DDX60: variants seen among roughly 807,000 people sequenced by gnomAD.
DDX60 encodes the protein probable ATP-dependent RNA helicase DDX60.
A neutral mutation model predicts 212.8 loss-of-function variants in DDX60; 165 were observed. The ratio of observed to expected loss-of-function variants is 0.78; its 90% confidence interval spans 0.68 to 0.88. The LOEUF is 0.88. Among genes scored for constraint, DDX60 ranks in the 40% least tolerant of loss-of-function variants. The probability of loss-of-function intolerance (pLI) is 0.00; values close to 1 mark genes in which losing one functional copy is unlikely to be tolerated. For synonymous variants in DDX60, 703 were observed against 685.3 expected (o/e 1.03, Z -0.40); for missense variants, 1,905 against 2,003.9 (o/e 0.95, Z 0.94).
upstream of DDX60, among the ~76,000 whole-genome samples, chr4:168,323,620 G>C (rs994218751): frequency 6.6e-6 from 1 of 152,108 alleles, no homozygotes; most frequent in African/African-American, 2.4e-5. Flanking sequence ...ACTCCAAAGG[G>C]GATAAGAAAT....
In DDX60 at chr4:168,262,010, T is replaced by A; in HGVS notation, c.3263A>T (p.Asn1088Ile). 1 of 1,593,452 alleles carries A rather than the reference T, an allele frequency of 6.3e-7. No homozygotes were observed. The highest frequency in any genetic ancestry group is 8.5e-7 in the Non-Finnish European group (1 of 1,173,258). Residue 1088 changes from asparagine (N) to isoleucine (I), a missense_variant, in exon 24 of 38, where the codon AAC (asparagine) becomes ATC (isoleucine). Asn to Ile is a moderately radical substitution (Grantham distance 149). Coordinates refer to ENST00000393743, the MANE Select transcript of DDX60 (RefSeq NM_017631.6). ...AELTSWIKNG[N>I]VEQARMVLQN... is the part of the protein sequence containing the mutation. Reference sequence around the variant, plus strand: ...GCGTATGAAAATTACCTGCTCTACGTTGCCATTTTTAATCCAACTTGTTAA... The same window carrying A: ...GCGTATGAAAATTACCTGCTCTACGATGCCATTTTTAATCCAACTTGTTAA...
intron 22 of DDX60, among the ~76,000 whole-genome samples, chr4:168,265,119 A>G (rs1299903191): frequency 1.3e-5 from 2 of 152,164 alleles, no homozygotes; most frequent in Non-Finnish European, 2.9e-5. Context: ...AGCCAAAGAC[A>G]CTGTCCTTAG....
Position 168,310,974 on chromosome 4 carries a change from C to A in DDX60, c.74+24G>T, listed in dbSNP as rs373237539. 3.3e-5 allele frequency: 45 copies of A among 1,383,122 alleles called. No homozygotes were observed. The African/African-American group carries it at 6.0e-4, about 18-fold the overall frequency. The allele number at this position is 1,383,122 out of a possible 1,614,324, so 85.7% of individuals were successfully genotyped here. ...GGGAACATGAGCTATGATTTCCCGT[C>A]TTTATTACTATAATAATACTCACTC... On this transcript the variant is annotated intron_variant, in intron 3 of 37. Transcript: ENST00000393743.
Position 168,287,099 on chromosome 4 carries a change from G to T in DDX60, c.1288C>A (p.Leu430Met). ...AGAAAACAAACTTTTGTTGTTCTCA[G>T]AGGAAATGGCTGTCCAACCTCAAAG... is the stretch of plus-strand genomic sequence containing the variant. ...RDFEVGQPFP[L>M]RTTKVCFLEK... is the part of the protein sequence containing the mutation. The change falls in exon 10 of 38, where the codon CTG becomes ATG. Residue 430 changes from leucine to methionine, a missense_variant. Transcript: ENST00000393743. The T allele has an allele frequency of 6.2e-7, 1 of 1,611,916 alleles. No individual in the cohort carries two copies. The highest frequency in any genetic ancestry group is 8.5e-7 in the Non-Finnish European group (1 of 1,179,392).
chr4:168,260,785 C>T, intron 25 of DDX60, 80 bp downstream of exon 25: 1 of 1,267,806 alleles, frequency 7.9e-7, no homozygotes, highest in East Asian at 2.3e-5. Flanking sequence ...GGTCTGTGGC[C>T]TGGAGGTTGG....
intron 26 of DDX60, among the ~76,000 whole-genome samples, chr4:168,253,807 C>A (rs563593114): frequency 7.2e-5 from 11 of 152,328 alleles, no homozygotes; most frequent in African/African-American, 2.6e-4. Flanking sequence ...CCTCCGTAAA[C>A]CCTGGCTTAG....
intron 29 of DDX60, among the ~76,000 whole-genome samples, chr4:168,247,528 C>T (rs1351849515): frequency 6.6e-6 from 1 of 152,176 alleles, no homozygotes; most frequent in East Asian, 1.9e-4. Flanking sequence ...GGTGACATAT[C>T]TAAATTTGAT....
Position 168,269,048 on chromosome 4 carries a change from G to A in DDX60, c.2671-79C>T. 3.9e-6 allele frequency: 3 copies of A among 774,290 alleles called. No individual in the cohort carries two copies. In the South Asian group the frequency reaches 6.9e-5, roughly 18 times the overall value. The allele number at this position is 774,290 out of a possible 1,614,324, so 48.0% of individuals were successfully genotyped here. A position where few individuals can be genotyped will look rare whatever the true frequency, so the allele number is the denominator to read the frequency against. On this transcript the variant is annotated intron_variant, in intron 19 of 37. Transcript: ENST00000393743. Reference sequence around the variant, plus strand: ...AATGAAAGTTAAGACATGGAATCTTGAAATTGTCATGCATGCCTTCCCATC... The same window carrying A: ...AATGAAAGTTAAGACATGGAATCTTAAAATTGTCATGCATGCCTTCCCATC...
chr4:168,246,571 T>C lies in DDX60; in HGVS notation c.4011A>G (p.Val1337=), dbSNP rs1027433661. The C allele has an allele frequency of 1.4e-5, 22 of 1,613,952 alleles. No homozygotes were observed. The highest frequency in any genetic ancestry group is 5.3e-5 in the African/African-American group (4 of 74,900). The change falls in exon 30 of 38, where the codon GTA becomes GTG. Residue 1337 remains valine, a synonymous_variant. Coordinates refer to ENST00000393743, the MANE Select transcript of DDX60 (RefSeq NM_017631.6). ...TGGGGAATGGAATATCAAAGAAATA[T>C]ACATCTCCCATCAGGTCTTGACCTC... ...GRRGQDLMGD[V]YFFDIPFPKI...
intron 8 of DDX60, among the ~76,000 whole-genome samples, chr4:168,288,534 C>A (rs772658771): frequency 3.9e-5 from 6 of 152,154 alleles, no homozygotes; most frequent in Non-Finnish European, 7.4e-5. Flanking sequence ...CTGTATAGTT[C>A]TTTATCCCGA....
chr4:168,250,303 A>G (rs62336249), intron 28 of DDX60, among the ~76,000 whole-genome samples: 4 of 152,028 alleles, frequency 2.6e-5, no homozygotes, highest in Admixed American at 6.6e-5. Context: ...GCACTTTGGG[A>G]GGCTGAGGCA....
intron 14 of DDX60, among the ~76,000 whole-genome samples, chr4:168,279,640 G>A (rs1320244606): frequency 6.6e-6 from 1 of 152,204 alleles, no homozygotes; most frequent in Non-Finnish European, 1.5e-5. Flanking sequence ...GATCAATGGA[G>A]AAGTTAGGAA....
At chr4:168,239,603 A>G (rs943172632) in intron 30 of DDX60, among the ~76,000 whole-genome samples, 1 of 152,118 alleles carries the variant, frequency 6.6e-6, no homozygotes, top group Non-Finnish European at 1.5e-5. Flanking sequence ...GGTAGGCTTC[A>G]CTATGTAATG....
Position 168,308,135 on chromosome 4 carries a change from T to C in DDX60, c.135A>G (p.Ser45=), listed in dbSNP as rs201139338. 8.1e-6 allele frequency: 13 copies of C among 1,603,230 alleles called. No individual in the cohort carries two copies. The highest frequency in any genetic ancestry group is 6.7e-5 in the African/African-American group (5 of 74,666). ...ESEFFLIDGD[S]LLITCICEIS... ...TCTCACAGATACATGTGATAAGTAA[T>C]GAATCCCCATCAATCAAAAAAAATT... The change falls in exon 4 of 38, where the codon TCA becomes TCG. Residue 45 remains serine, a synonymous_variant. Transcript: ENST00000393743.
rs1217717389 is a variant in DDX60 at position 168,297,297 on chromosome 4, CGA to C, written c.724-3354_724-3353del. Among the ~76,000 whole-genome samples the C allele has an allele frequency of 2.3e-3, 152 of 67,468 alleles. 11 individuals carry two copies. The highest frequency in any genetic ancestry group is 7.9e-3 in the African/African-American group (129 of 16,256). The allele number at this position is 67,468 out of a possible 152,430, so 44.3% of individuals were successfully genotyped here. On this transcript the variant is annotated intron_variant, in intron 6 of 37. Transcript: ENST00000393743. ...AGAAAGAAAGAAAGAGAGAGAGAGA[CGA>C]AAGAAAGAAAGAAAGAAAGAAAGAA...
intron 22 of DDX60, 135 bp downstream of exon 22, chr4:168,267,447 G>C (rs762827514): frequency 2.4e-6 from 1 of 413,882 alleles, no homozygotes. Context: ...TTTAAATTAA[G>C]GTTAAAGTAT....
chr4:168,229,374 T>A (rs879647874), intron 33 of DDX60, among the ~76,000 whole-genome samples: 4 of 152,082 alleles, frequency 2.6e-5, no homozygotes, highest in Admixed American at 1.3e-4. Flanking sequence ...AGAAAAGCCG[T>A]TTCTGACTTT....
intron 30 of DDX60, among the ~76,000 whole-genome samples, chr4:168,245,995 C>T (rs1734007256): frequency 6.6e-6 from 1 of 152,152 alleles, no homozygotes; most frequent in South Asian, 2.1e-4. Context: ...ACATTTCCCA[C>T]ATACTCCTAA....
At position 168,268,902 on chromosome 4, in the gene DDX60, G is replaced by C; in HGVS notation, c.2738C>G (p.Pro913Arg). The change falls in exon 20 of 38, where the codon CCC becomes CGC. Residue 913 changes from proline (P) to arginine (R), a missense_variant. Transcript: ENST00000393743. ...WEHLLVMIRC[P>R]FLALSATISN... The stretch of plus-strand genomic sequence containing the variant: ...TATGGTAGCTGAAAGAGCCAAAAAG[G>C]GACATCGGATCATGACAAGGAGATG... 1 of 1,596,262 alleles carries C rather than the reference G, an allele frequency of 6.3e-7. No homozygotes were observed. Among genetic ancestry groups the C allele is most frequent in the East Asian group, 2.2e-5 (1 of 44,614 alleles).
Sources: allele counts gnomAD v4.1 joint callset (sites outside exome capture counted in the v4.1 genomes callset), GRCh38; gene constraint gnomAD v4.1.1; transcripts MANE v1.5; gene names NCBI Gene and HGNC (gene_info 2026-07-23, HGNC 2026-07-21).